Variants in ARK2N observed in about 807,000 individuals in gnomAD.
ARK2N encodes the protein protein ARK2N.
the ARK2N span, among the ~76,000 whole-genome samples, chr18:46,183,350 A>G: frequency 2.3e-4 from 35 of 152,130 alleles, no homozygotes; most frequent in African/African-American, 5.6e-4. Flanking sequence ...GTTAATTGGT[A>G]TTAGATTTAG....
At chr18:46,229,955 C>A in the ARK2N span, among the ~76,000 whole-genome samples, 1 of 151,558 alleles carries the variant, frequency 6.6e-6, no homozygotes, top group Admixed American at 6.6e-5. Context: ...GAGACAGAGT[C>A]TCGCTTTGTC....
the ARK2N span, among the ~76,000 whole-genome samples, chr18:46,198,671 T>C: frequency 6.6e-6 from 1 of 152,102 alleles, no homozygotes; most frequent in African/African-American, 2.4e-5. Flanking sequence ...GCATCTCGGC[T>C]CACTGCAACC....
the ARK2N span, among the ~76,000 whole-genome samples, chr18:46,224,750 AT>A: frequency 6.6e-6 from 1 of 152,200 alleles, no homozygotes; most frequent in Non-Finnish European, 1.5e-5. Flanking sequence ...AATGTTAGTC[AT>A]TTTATTTTTT....
the ARK2N span, among the ~76,000 whole-genome samples, chr18:46,199,614 T>C: frequency 1.3e-5 from 2 of 151,962 alleles, no homozygotes; most frequent in African/African-American, 4.8e-5. Context: ...CTTTCCTGTG[T>C]CTTTCTTGTA....
chr18:46,220,875 C>A, the ARK2N span, among the ~76,000 whole-genome samples: 1 of 152,222 alleles, frequency 6.6e-6, no homozygotes, highest in East Asian at 1.9e-4. Context: ...ATGGCTCACG[C>A]CTGTAATCCC....
chr18:46,176,327 G>A, the ARK2N span, among the ~76,000 whole-genome samples: 3 of 152,046 alleles, frequency 2.0e-5, no homozygotes, highest in African/African-American at 4.8e-5. Flanking sequence ...CCAAACCTTT[G>A]GTAAATCATC....
the ARK2N span, among the ~76,000 whole-genome samples, chr18:46,219,496 A>T: frequency 6.7e-6 from 1 of 148,234 alleles, no homozygotes. Flanking sequence ...TTTGAGACCG[A>T]GTCTTGCTCT....
At chr18:46,247,924 C>T in the ARK2N span, among the ~76,000 whole-genome samples, 17 of 152,208 alleles carry the variant, frequency 1.1e-4, no homozygotes, top group Admixed American at 5.2e-4. Context: ...CTGCCTGCCT[C>T]GGCCTCCCTA....
At chr18:46,256,610 C>A in the ARK2N span, among the ~76,000 whole-genome samples, 1 of 152,136 alleles carries the variant, frequency 6.6e-6, no homozygotes, top group African/African-American at 2.4e-5. Context: ...GGCTCTGAAG[C>A]ATAAAGCTGT....
At chr18:46,192,536 C>G in the ARK2N span, among the ~76,000 whole-genome samples, 3 of 151,710 alleles carry the variant, frequency 2.0e-5, no homozygotes, top group Non-Finnish European at 4.4e-5. Flanking sequence ...GAGATCATGC[C>G]ACTGCATTCC....
At chr18:46,244,524 A>T in the ARK2N span, among the ~76,000 whole-genome samples, 1 of 151,308 alleles carries the variant, frequency 6.6e-6, no homozygotes, top group African/African-American at 2.4e-5. Flanking sequence ...CATGTTTCAG[A>T]ATCAGTATAG....
At chr18:46,186,298 C>T in the ARK2N span, among the ~76,000 whole-genome samples, 8 of 151,190 alleles carry the variant, frequency 5.3e-5, no homozygotes, top group South Asian at 4.2e-4. Context: ...CAGGTTCAAG[C>T]GATTCTCCTG....
the ARK2N span, among the ~76,000 whole-genome samples, chr18:46,194,372 G>A: frequency 2.6e-5 from 4 of 152,096 alleles, no homozygotes; most frequent in South Asian, 4.2e-4. Flanking sequence ...AGGCCGAGGC[G>A]GATGGATCAC....
chr18:46,215,825 G>T, the ARK2N span: 1 of 1,514,812 alleles, frequency 6.6e-7, no homozygotes, highest in East Asian at 2.3e-5. Flanking sequence ...CTTTCCTGTT[G>T]CATCTTTGAT....
At chr18:46,246,870 G>GT in the ARK2N span, among the ~76,000 whole-genome samples, 1 of 151,626 alleles carries the variant, frequency 6.6e-6, no homozygotes, top group Non-Finnish European at 1.5e-5. Context: ...GAACCCGGGA[G>GT]GTGGAGGTTG....
At chr18:46,228,307 A>T in the ARK2N span, among the ~76,000 whole-genome samples, 5 of 152,184 alleles carry the variant, frequency 3.3e-5, no homozygotes, top group Admixed American at 2.6e-4. Context: ...CATGTTAAGG[A>T]CTACTTTTCT....
the ARK2N span, chr18:46,264,378 T>C: frequency 2.6e-5 from 4 of 152,692 alleles, no homozygotes; most frequent in Non-Finnish European, 5.9e-5. Flanking sequence ...GAACACTATG[T>C]ACTCTGCACA....
At chr18:46,193,465 T>A in the ARK2N span, among the ~76,000 whole-genome samples, 22 of 151,910 alleles carry the variant, frequency 1.4e-4, no homozygotes, top group African/African-American at 4.1e-4. Flanking sequence ...AATTTTGTAT[T>A]TTTAGTAGAG....
At chr18:46,256,369 G>T in the ARK2N span, among the ~76,000 whole-genome samples, 1 of 151,494 alleles carries the variant, frequency 6.6e-6, no homozygotes, top group Admixed American at 6.6e-5. Flanking sequence ...CTTATTTTTA[G>T]CTTCTTTGTT....
Sources: gnomAD v4.1 joint callset for allele counts (sites outside exome capture counted in the v4.1 genomes callset) on GRCh38, gnomAD v4.1.1 for gene constraint, MANE v1.5 for transcripts, NCBI Gene and HGNC (gene_info 2026-07-23, HGNC 2026-07-21) for gene names.